The following SELENOF variants were observed in gnomAD, a reference collection of about 807,000 sequenced individuals.
The protein encoded by SELENOF is 15 kDa selenoprotein.
In SELENOF, 16 loss-of-function variants were observed where a neutral mutation model predicts 20.5. That is an observed-to-expected ratio of 0.78 (90% confidence interval 0.53 to 1.19). The LOEUF (loss-of-function observed/expected upper bound fraction) is 1.19, where lower values mean the gene tolerates loss of function less well. Ranked by LOEUF, SELENOF falls within the 50% of genes most tolerant of loss-of-function variation. SELENOF has a pLI of 0.00. For synonymous variants in SELENOF, 78 were observed against 74.5 expected (o/e 1.05, Z -0.24); for missense variants, 215 against 194.2 (o/e 1.11, Z -0.64).
chr1:86,869,841 C>T (rs1039359616), intron 3 of SELENOF, among the ~76,000 whole-genome samples: 12 of 151,930 alleles, frequency 7.9e-5, no homozygotes, highest in African/African-American at 2.7e-4. Context: ...GTGGCGCAAT[C>T]TCGGCTCACT....
intron 2 of SELENOF, among the ~76,000 whole-genome samples, chr1:86,901,659 A>G (rs1013260679): frequency 5.9e-5 from 9 of 152,248 alleles, no homozygotes; most frequent in African/African-American, 2.2e-4. Context: ...AACTGCTGAA[A>G]TGTGTCAAGA....
At chr1:86,909,936 C>T (rs781049374) in intron 1 of SELENOF, among the ~76,000 whole-genome samples, 2 of 152,110 alleles carry the variant, frequency 1.3e-5, no homozygotes. Flanking sequence ...ACCCGAGAGG[C>T]GGAGATTGCA....
chr1:86,896,757 T>TA (rs1659536897), intron 2 of SELENOF, among the ~76,000 whole-genome samples: 1 of 152,202 alleles, frequency 6.6e-6, no homozygotes, highest in South Asian at 2.1e-4. Context: ...CAAAGAGTGT[T>TA]ACCAATGGCT....
At chr1:86,870,874 C>T (rs1658746089) in intron 3 of SELENOF, among the ~76,000 whole-genome samples, 5 of 152,152 alleles carry the variant, frequency 3.3e-5, no homozygotes, top group Admixed American at 3.3e-4. Flanking sequence ...CCACCTCGGC[C>T]TCCCAAAGTG....
chr1:86,887,597 A>G (rs536249768), intron 2 of SELENOF, among the ~76,000 whole-genome samples: 1 of 152,204 alleles, frequency 6.6e-6, no homozygotes, highest in African/African-American at 2.4e-5. Flanking sequence ...AATGAAAATG[A>G]TATCAGTGCA....
chr1:86,862,752 G>T lies in SELENOF; in HGVS notation c.*722C>A, dbSNP rs1389946774. 6.6e-6 allele frequency: 1 copy of T among 152,068 alleles called. No homozygotes were observed. The highest frequency in any genetic ancestry group is 2.4e-5 in the African/African-American group (1 of 41,420). 9.4% of individuals were successfully genotyped at this position (152,068 alleles called of 1,614,324 possible). A position where few individuals can be genotyped will look rare whatever the true frequency, so the allele number is the denominator to read the frequency against. On this transcript the variant is annotated 3_prime_UTR_variant, in exon 5 of 5. Transcript: ENST00000331835. ...TTTGAAACTTTTTATTTATATTTTG[G>T]TCTTACAAATGATCACTTTTAAATG...
intron 3 of SELENOF, among the ~76,000 whole-genome samples, chr1:86,875,132 T>C (rs1031133965): frequency 1.3e-5 from 2 of 151,890 alleles, no homozygotes; most frequent in Non-Finnish European, 2.9e-5. Flanking sequence ...TCCCAGCTAC[T>C]TGGGAGGCTG....
chr1:86,894,469 ATATATTT>A (rs1339760825), intron 2 of SELENOF, among the ~76,000 whole-genome samples: 4 of 152,160 alleles, frequency 2.6e-5, no homozygotes, highest in African/African-American at 9.7e-5. Context: ...CCAATAAATA[ATATATTT>A]TATTCTAAAC....
chr1:86,875,823 T>C (rs1262685260), intron 3 of SELENOF, among the ~76,000 whole-genome samples: 1 of 152,152 alleles, frequency 6.6e-6, no homozygotes, highest in Non-Finnish European at 1.5e-5. Context: ...TTGAATGAAC[T>C]GGAATTTGCC....
At chr1:86,889,585 C>T (rs1659324560) in intron 2 of SELENOF, among the ~76,000 whole-genome samples, 1 of 152,146 alleles carries the variant, frequency 6.6e-6, no homozygotes, top group Non-Finnish European at 1.5e-5. Context: ...CAGAGCAAGA[C>T]TCCATCTCAA....
intron 2 of SELENOF, among the ~76,000 whole-genome samples, chr1:86,888,964 T>C (rs1194887999): frequency 6.6e-6 from 1 of 152,228 alleles, no homozygotes; most frequent in Non-Finnish European, 1.5e-5. Flanking sequence ...AGAAAGATTA[T>C]AAATATCTGA....
chr1:86,865,725 A>T (rs974233252), intron 4 of SELENOF, among the ~76,000 whole-genome samples: 1 of 152,206 alleles, frequency 6.6e-6, no homozygotes, highest in African/African-American at 2.4e-5. Flanking sequence ...TTCCTCAAAA[A>T]ATTAAAAATA....
intron 2 of SELENOF, among the ~76,000 whole-genome samples, chr1:86,899,546 AC>A (rs1216170636): frequency 1.8e-4 from 23 of 125,980 alleles, no homozygotes; most frequent in Admixed American, 1.5e-3. Context: ...CGGGGGGCTG[AC>A]CCCCCACCTC....
rs1215178664 is a variant in SELENOF, at chr1:86,862,590, GATGTT to G, written c.*879_*883del. ...TATAAAGCACTATTACCAACAATAA[GATGTT>G]ATAAGTTTTAAATATTACAGCCATT... On this transcript the variant is annotated 3_prime_UTR_variant, in exon 5 of 5. Transcript: ENST00000331835. 6.6e-6 allele frequency: 1 copy of G among 151,894 alleles called. No individual in the cohort carries two copies. The highest frequency in any genetic ancestry group is 2.4e-5 in the African/African-American group (1 of 41,330). The allele number at this position is 151,894 out of a possible 1,614,324, so 9.4% of individuals were successfully genotyped here. A position where few individuals can be genotyped will look rare whatever the true frequency, so the allele number is the denominator to read the frequency against.
intron 3 of SELENOF, among the ~76,000 whole-genome samples, chr1:86,880,085 G>A (rs1425977028): frequency 6.6e-6 from 1 of 151,790 alleles, no homozygotes. Flanking sequence ...CAAAGGAAAG[G>A]CTCTTCTTTT....
At chr1:86,889,629 C>T (rs1659325619) in intron 2 of SELENOF, among the ~76,000 whole-genome samples, 1 of 152,000 alleles carries the variant, frequency 6.6e-6, no homozygotes, top group African/African-American at 2.4e-5. Context: ...AACAAAAAAA[C>T]TATTTACAGC....
intron 4 of SELENOF, among the ~76,000 whole-genome samples, chr1:86,866,407 T>C (rs1203270805): frequency 1.3e-5 from 2 of 148,164 alleles, no homozygotes; most frequent in East Asian, 2.0e-4. Flanking sequence ...TAGTCAAAAC[T>C]ATAGAAACAG....
rs946810216 is a variant in SELENOF, at chr1:86,863,155, A to G, written c.*319T>C. Reference sequence around the variant, plus strand: ...TCTGTCTTGTTAACCTCTCTAATTTAGAAATCTGTTGTTCGTAAAACTGGA... The same window carrying G: ...TCTGTCTTGTTAACCTCTCTAATTTGGAAATCTGTTGTTCGTAAAACTGGA... On this transcript the variant is annotated 3_prime_UTR_variant, in exon 5 of 5. Coordinates refer to ENST00000331835, the MANE Select transcript of SELENOF (RefSeq NM_004261.5). The G allele has an allele frequency of 9.1e-6, 2 of 219,096 alleles. No homozygotes were observed. Among genetic ancestry groups the G allele is most frequent in the Non-Finnish European group, 1.8e-5 (2 of 110,942 alleles). The allele number at this position is 219,096 out of a possible 1,614,324, so 13.6% of individuals were successfully genotyped here.
chr1:86,897,171 G>T (rs1471126036), intron 2 of SELENOF, among the ~76,000 whole-genome samples: 1 of 152,044 alleles, frequency 6.6e-6, no homozygotes. Context: ...GCTGGGCGTG[G>T]TGGCGGGTGG....
Sources: gnomAD v4.1 joint callset for allele counts (sites outside exome capture counted in the v4.1 genomes callset) on GRCh38, gnomAD v4.1.1 for gene constraint, MANE v1.5 for transcripts, NCBI Gene and HGNC (gene_info 2026-07-23, HGNC 2026-07-21) for gene names.